The following TMEM87A variants were observed in gnomAD, a reference collection of about 807,000 sequenced individuals.
TMEM87A encodes Golgi-pH regulating cation channel.
In TMEM87A, 50 loss-of-function variants were observed where a neutral mutation model predicts 90.0. The observed-to-expected ratio is 0.56, with a 90% CI of 0.44 to 0.70. The LOEUF is 0.70. TMEM87A is among the 30% of genes least tolerant of loss of function. The pLI is 0.00. For synonymous variants in TMEM87A, 226 were observed against 226.7 expected, an observed-to-expected ratio of 1.00 and a Z score of 0.03; for missense variants, 577 against 660.5, an observed-to-expected ratio of 0.87 and a Z score of 1.39.
chr15:42,217,129 T>G (rs1410005618), intron 19 of TMEM87A, among the ~76,000 whole-genome samples: 1 of 152,046 alleles, frequency 6.6e-6, no homozygotes, highest in Admixed American at 6.6e-5. Context: ...AATTTTTGTA[T>G]GTTTTGTAGA....
chr15:42,259,762 G>A (rs961241957), intron 6 of TMEM87A, among the ~76,000 whole-genome samples: 22 of 152,184 alleles, frequency 1.4e-4, no homozygotes, highest in African/African-American at 5.3e-4. Context: ...ACCTGAGGAG[G>A]CCCTAATCAT....
rs1307148450 is a variant in TMEM87A, at chr15:42,236,369, G to C, written c.919C>G (p.Leu307Val). Residue 307 changes from leucine to valine, a missense_variant, in exon 10 of 20, where the codon CTG (leucine) becomes GTG (valine). Coordinates refer to ENST00000389834, the MANE Select transcript of TMEM87A (RefSeq NM_015497.5). ...AELLSAVKRSLARTLVIIVSL... is the reference protein window; with the variant it reads ...AELLSAVKRSVARTLVIIVSL... The stretch of plus-strand genomic sequence containing the variant: ...ACTATGATGACCAGGGTTCGAGCCA[G>C]TGAGCGTTTCACTGCTGAAAGCAGC... 3 of 1,614,162 alleles carry C rather than the reference G, an allele frequency of 1.9e-6. No homozygotes were observed. In the Admixed American group the frequency reaches 5.0e-5, roughly 27 times the overall value.
chr15:42,218,098 GA>G, intron 18 of TMEM87A: 1 of 626,634 alleles, frequency 1.6e-6, no homozygotes, highest in South Asian at 2.3e-5. Flanking sequence ...ATTTCAAAAG[GA>G]GTATCCCATT....
intron 6 of TMEM87A, among the ~76,000 whole-genome samples, chr15:42,260,347 A>G (rs1392772303): frequency 6.6e-6 from 1 of 152,216 alleles, no homozygotes; most frequent in Non-Finnish European, 1.5e-5. Context: ...GTTCTCCAGC[A>G]TGGGCAAGAG....
intron 19 of TMEM87A, among the ~76,000 whole-genome samples, chr15:42,216,047 T>C (rs1244506833): frequency 6.6e-6 from 1 of 152,194 alleles, no homozygotes; most frequent in East Asian, 1.9e-4. Context: ...GGAACACTTG[T>C]CAACCTTAAA....
In TMEM87A at chr15:42,213,265, G is replaced by A. The variant is rs1318145322; in HGVS notation, c.1627-1516C>T. Among the ~76,000 whole-genome samples, 6 of 152,186 alleles carry A rather than the reference G, an allele frequency of 3.9e-5. No homozygotes were observed. The South Asian group carries it at 8.3e-4, about 21-fold the overall frequency. ...ACTGTTTTCTGTCTTGCCTGAGTCC[G>A]AGAGCTAAAAACAAAGGGCCCAGGT... On this transcript the variant is annotated intron_variant, in intron 19 of 19. Transcript: ENST00000389834.
intron 6 of TMEM87A, among the ~76,000 whole-genome samples, chr15:42,257,151 A>G (rs890267810): frequency 1.3e-5 from 2 of 152,172 alleles, no homozygotes; most frequent in African/African-American, 4.8e-5. Context: ...TATGGTTTAG[A>G]TATCTGTCCT....
rs566043776 is a variant in TMEM87A, at chr15:42,266,810, A to C, written c.291+1137T>G. Among the ~76,000 whole-genome samples, 9 of 152,330 alleles carry C rather than the reference A, an allele frequency of 5.9e-5. No individual in the cohort carries two copies. In the South Asian group the frequency reaches 1.9e-3, roughly 32 times the overall value. ...GGTGACAAAATGGAAAGCATGCAAA[A>C]TACAATAAATTATTGTCTTGAGATA... On this transcript the variant is annotated intron_variant, in intron 3 of 19. Transcript: ENST00000389834.
chr15:42,228,587 A>C, intron 13 of TMEM87A, 125 bp downstream of exon 13: 1 of 721,496 alleles, frequency 1.4e-6, no homozygotes, highest in Non-Finnish European at 2.4e-6. Flanking sequence ...ATTTGACAAG[A>C]GCTAAGAACC....
chr15:42,250,657 G>A (rs887503509), intron 6 of TMEM87A, among the ~76,000 whole-genome samples: 1 of 152,080 alleles, frequency 6.6e-6, no homozygotes, highest in South Asian at 2.1e-4. Flanking sequence ...TTTCTCTCTG[G>A]CTGCCCTTAA....
intron 15 of TMEM87A, among the ~76,000 whole-genome samples, chr15:42,225,056 T>C (rs981048004): frequency 2.6e-5 from 4 of 152,250 alleles, no homozygotes; most frequent in African/African-American, 7.2e-5. Flanking sequence ...TAGTGTGATT[T>C]CAGATCTCCT....
chr15:42,268,171 T>C, intron 2 of TMEM87A, 139 bp from the exon 3 acceptor site: 3 of 572,192 alleles, frequency 5.2e-6, no homozygotes. Flanking sequence ...ACATAAGGTA[T>C]TGAAATAATA....
intron 3 of TMEM87A, among the ~76,000 whole-genome samples, chr15:42,267,392 A>G (rs563855874): frequency 1.8e-4 from 27 of 152,364 alleles, no homozygotes; most frequent in African/African-American, 6.3e-4. Flanking sequence ...TAGAATCAAA[A>G]AAGAATATCC....
chr15:42,248,635 A>G (rs1299045603), intron 6 of TMEM87A, among the ~76,000 whole-genome samples: 3 of 151,024 alleles, frequency 2.0e-5, no homozygotes, highest in Non-Finnish European at 3.0e-5. Flanking sequence ...GATGAAGCCA[A>G]CTTGATCTTG....
intron 3 of TMEM87A, among the ~76,000 whole-genome samples, chr15:42,264,697 A>ATTTTT (rs199888603): frequency 6.0e-5 from 1 of 16,682 alleles, no homozygotes; most frequent in Non-Finnish European, 7.6e-4. Context: ...ATATATATAT[A>ATTTTT]TATTTTTTTT....
At chr15:42,220,252 G>T in intron 15 of TMEM87A, 117 bp from the exon 16 acceptor site, 1 of 702,998 alleles carries the variant, frequency 1.4e-6, no homozygotes, top group Non-Finnish European at 2.4e-6. Flanking sequence ...CATTAAATCA[G>T]TTTAATAATA....
intron 11 of TMEM87A, among the ~76,000 whole-genome samples, 175 bp from the exon 12 acceptor site, chr15:42,231,435 T>C (rs1022614254): frequency 2.6e-5 from 4 of 152,192 alleles, no homozygotes; most frequent in Non-Finnish European, 5.9e-5. Flanking sequence ...AACCATCACA[T>C]AGAATATACA....
At chr15:42,252,000 G>C (rs762796565) in intron 6 of TMEM87A, among the ~76,000 whole-genome samples, 9 of 152,226 alleles carry the variant, frequency 5.9e-5, no homozygotes, top group Non-Finnish European at 1.2e-4. Context: ...GTTCGATTTG[G>C]GACTGCTGCA....
At chr15:42,214,201 G>C (rs1260303946) in intron 19 of TMEM87A, among the ~76,000 whole-genome samples, 2 of 151,970 alleles carry the variant, frequency 1.3e-5, no homozygotes, top group Non-Finnish European at 2.9e-5. Context: ...CAAAAAAACA[G>C]CCCAGGACCA....
Sources: allele counts gnomAD v4.1 joint callset (sites outside exome capture counted in the v4.1 genomes callset), GRCh38; gene constraint gnomAD v4.1.1; transcripts MANE v1.5; gene names NCBI Gene and HGNC (gene_info 2026-07-23, HGNC 2026-07-21).